DENND1A: variants seen among roughly 807,000 people sequenced by gnomAD.
DENND1A encodes DENN domain containing 1A, also known as DENN domain-containing protein 1A.
In DENND1A, 51 loss-of-function variants were observed where a neutral mutation model predicts 113.7. The ratio of observed to expected loss-of-function variants is 0.45; its 90% confidence interval spans 0.36 to 0.57. The LOEUF (loss-of-function observed/expected upper bound fraction) is 0.57. DENND1A is among the 20% of genes least tolerant of loss of function. DENND1A has a pLI of 0.00. For synonymous variants in DENND1A, 565 were observed against 570.8 expected (o/e 0.99, Z 0.14); for missense variants, 1,258 against 1,395.9 (o/e 0.90, Z 1.57).
chr9:123,396,497 A>G (rs1389536544), intron 21 of DENND1A, among the ~76,000 whole-genome samples: 1 of 152,214 alleles, frequency 6.6e-6, no homozygotes, highest in Non-Finnish European at 1.5e-5. Context: ...AGGCCGTTGA[A>G]CGTGCACAAG....
intron 13 of DENND1A, among the ~76,000 whole-genome samples, chr9:123,546,426 C>T (rs1046009485): frequency 1.3e-5 from 2 of 152,032 alleles, no homozygotes; most frequent in African/African-American, 4.8e-5. Context: ...GTGGTAGGCG[C>T]CTGTAGTCCC....
chr9:123,896,496 C>T (rs1850783797), intron 1 of DENND1A, among the ~76,000 whole-genome samples: 1 of 152,012 alleles, frequency 6.6e-6, no homozygotes, highest in Non-Finnish European at 1.5e-5. Flanking sequence ...AGCTCACTGG[C>T]AAAAATCAGA....
intron 13 of DENND1A, among the ~76,000 whole-genome samples, chr9:123,550,282 C>T (rs1428262406): frequency 6.6e-6 from 1 of 152,214 alleles, no homozygotes; most frequent in African/African-American, 2.4e-5. Flanking sequence ...GCTTACTGCC[C>T]CCACCCAGCA....
intron 19 of DENND1A, among the ~76,000 whole-genome samples, chr9:123,439,542 T>G (rs2046775442): frequency 6.6e-6 from 1 of 152,234 alleles, no homozygotes; most frequent in Admixed American, 6.5e-5. Context: ...ATAAAAATCA[T>G]GAAGACTCTT....
Position 123,728,506 on chromosome 9 carries a change from A to AAAAAACACAAAAAAAC in DENND1A, c.302+29196_302+29197insGTTTTTTTGTGTTTTT, listed in dbSNP as rs1564150268. Among the ~76,000 whole-genome samples the AAAAAACACAAAAAAAC allele has an allele frequency of 2.4e-4, 35 of 145,904 alleles. 1 individual carries two copies. Among genetic ancestry groups the AAAAAACACAAAAAAAC allele is most frequent in the African/African-American group, 9.4e-4 (35 of 37,180 alleles). On this transcript the variant is annotated intron_variant, in intron 5 of 23. Coordinates refer to ENST00000394215, the MANE Select transcript of DENND1A (RefSeq NM_001352964.2). The stretch of plus-strand genomic sequence containing the variant: ...AAAAAAAAAAAAAAAAAAAAAAAAA[A>AAAAAACACAAAAAAAC]AAAACAGGCATCAGTCATCTTTACC...
intron 13 of DENND1A, among the ~76,000 whole-genome samples, chr9:123,465,103 C>A (rs1331116288): frequency 2.0e-5 from 3 of 150,864 alleles, no homozygotes; most frequent in Admixed American, 1.3e-4. Context: ...ATCGCTTGAA[C>A]CCGGGAGGTG....
chr9:123,769,699 TG>T (rs1829418541), intron 3 of DENND1A, 136 bp from the exon 4 acceptor site: 1 of 590,180 alleles, frequency 1.7e-6, no homozygotes, highest in African/African-American at 1.9e-5. Context: ...ATCAATTACA[TG>T]GGAGGAGTAC....
intron 13 of DENND1A, among the ~76,000 whole-genome samples, chr9:123,495,170 T>TCTCTCTC (rs371539514): frequency 2.1e-4 from 32 of 149,516 alleles, no homozygotes; most frequent in South Asian, 4.3e-4. Context: ...TCTCTCTCTC[T>TCTCTCTC]TATAATGTCT....
intron 5 of DENND1A, among the ~76,000 whole-genome samples, chr9:123,710,765 C>A (rs930801129): frequency 1.3e-5 from 2 of 151,790 alleles, no homozygotes; most frequent in African/African-American, 4.8e-5. Context: ...CTCCATCTCC[C>A]GGCTTCAAGC....
At chr9:123,531,285 C>A (rs1404736658) in intron 13 of DENND1A, among the ~76,000 whole-genome samples, 1 of 152,070 alleles carries the variant, frequency 6.6e-6, no homozygotes, top group Admixed American at 6.6e-5. Flanking sequence ...TCCTCTCTCC[C>A]ACTCTGCTTT....
At chr9:123,661,602 A>G (rs1197791957) in intron 8 of DENND1A, among the ~76,000 whole-genome samples, 1 of 152,252 alleles carries the variant, frequency 6.6e-6, no homozygotes, top group Non-Finnish European at 1.5e-5. Context: ...CTGACAGAGC[A>G]TTCAGCCAGC....
chr9:123,404,462 G>A (rs903719762), intron 20 of DENND1A, among the ~76,000 whole-genome samples: 1 of 152,266 alleles, frequency 6.6e-6, no homozygotes, highest in Non-Finnish European at 1.5e-5. Flanking sequence ...GAGCCTGCCG[G>A]GGCAGGGGGC....
intron 13 of DENND1A, among the ~76,000 whole-genome samples, chr9:123,516,608 C>T (rs538232944): frequency 3.3e-5 from 5 of 152,122 alleles, no homozygotes; most frequent in African/African-American, 1.2e-4. Context: ...CAATAGTAGG[C>T]CAGGCACGGT....
intron 1 of DENND1A, among the ~76,000 whole-genome samples, chr9:123,922,412 C>T (rs1364871877): frequency 6.6e-6 from 1 of 152,200 alleles, no homozygotes; most frequent in Admixed American, 6.5e-5. Flanking sequence ...TAATGCCTTA[C>T]TATACTAACA....
At chr9:123,920,440 A>C (rs1856028592) in intron 1 of DENND1A, among the ~76,000 whole-genome samples, 2 of 152,166 alleles carry the variant, frequency 1.3e-5, no homozygotes, top group South Asian at 4.1e-4. Flanking sequence ...ACACACACAA[A>C]AAAAACACTT....
At chr9:123,892,405 C>A (rs1850054113) in intron 1 of DENND1A, among the ~76,000 whole-genome samples, 1 of 152,122 alleles carries the variant, frequency 6.6e-6, no homozygotes, top group African/African-American at 2.4e-5. Flanking sequence ...GGAAGGAGCA[C>A]ATTATTTCAA....
intron 19 of DENND1A, among the ~76,000 whole-genome samples, chr9:123,423,714 A>G (rs2045495869): frequency 6.6e-6 from 1 of 152,194 alleles, no homozygotes; most frequent in Non-Finnish European, 1.5e-5. Context: ...TTATTTATAC[A>G]GTACTTCTAT....
intron 21 of DENND1A, among the ~76,000 whole-genome samples, chr9:123,395,516 G>C (rs2043080850): frequency 6.9e-6 from 1 of 144,618 alleles, no homozygotes; most frequent in South Asian, 2.3e-4. Flanking sequence ...GAGAGAGAGT[G>C]AGAGTGAGAG....
intron 13 of DENND1A, among the ~76,000 whole-genome samples, chr9:123,491,713 C>T (rs2133985826): frequency 6.6e-6 from 1 of 152,352 alleles, no homozygotes. Flanking sequence ...CCAGCCCATC[C>T]AGGACCCTGG....
Sources: allele counts gnomAD v4.1 joint callset (sites outside exome capture counted in the v4.1 genomes callset), GRCh38; gene constraint gnomAD v4.1.1; transcripts MANE v1.5; gene names NCBI Gene and HGNC (gene_info 2026-07-23, HGNC 2026-07-21).